The following UBE2E1 variants were observed in gnomAD, a reference collection of about 807,000 sequenced individuals.
UBE2E1 encodes the protein ubiquitin conjugating enzyme E2 E1.
UBE2E1 carries 6 observed loss-of-function variants against 21.4 expected under a neutral mutation model. The observed-to-expected ratio is 0.28, with a 90% confidence interval of 0.15 to 0.55. The LOEUF is 0.55. UBE2E1 is among the 20% of genes least tolerant of loss of function. The pLI, the probability that UBE2E1 is intolerant of heterozygous loss-of-function variation, is 0.93. For synonymous variants in UBE2E1, 87 were observed against 82.7 expected (o/e 1.05, Z -0.28); for missense variants, 142 against 236.5 (o/e 0.60, Z 2.62).
intron 3 of UBE2E1, among the ~76,000 whole-genome samples, chr3:23,825,644 A>G (rs970724940): frequency 6.6e-6 from 1 of 152,184 alleles, no homozygotes; most frequent in African/African-American, 2.4e-5. Context: ...ACCCTGAATG[A>G]TGACAAGGAC....
Position 23,810,380 on chromosome 3 carries a change from GT to G in UBE2E1, c.153-1079del. On this transcript the variant is annotated intron_variant, in intron 2 of 5. Transcript: ENST00000306627. The surrounding 1 kb of genome is among the most constrained non-coding windows in gnomAD (Gnocchi z 5.8). ...ACTGCCTGGTGGCTTCGGCCTATGAGTGGGGGATGGGGCCCTTTGTGAAGTC... is the reference window on the plus strand; with the variant it reads ...ACTGCCTGGTGGCTTCGGCCTATGAGGGGGGATGGGGCCCTTTGTGAAGTC... 6.6e-7 allele frequency: 1 copy of G among 1,517,668 alleles called. No homozygotes were observed. Among genetic ancestry groups the G allele is most frequent in the Non-Finnish European group, 8.8e-7 (1 of 1,131,428 alleles). The allele number at this position is 1,517,668 out of a possible 1,614,324, so 94.0% of individuals were successfully genotyped here.
At chr3:23,855,836 A>G (rs188106718) in intron 3 of UBE2E1, among the ~76,000 whole-genome samples, 6 of 152,212 alleles carry the variant, frequency 3.9e-5, no homozygotes, top group Admixed American at 3.9e-4. Flanking sequence ...TCTCAAAAAA[A>G]TAAAAATAAA....
chr3:23,872,629 A>G (rs964418240), intron 3 of UBE2E1, among the ~76,000 whole-genome samples: 5 of 152,236 alleles, frequency 3.3e-5, no homozygotes, highest in African/African-American at 4.8e-5. Context: ...CATATTCACA[A>G]TTAAAACAAT....
intron 2 of UBE2E1, 115 bp from the exon 3 acceptor site, chr3:23,811,345 C>G: frequency 1.0e-6 from 1 of 959,756 alleles, no homozygotes; most frequent in Non-Finnish European, 1.7e-6. Flanking sequence ...TCCTCTTTGC[C>G]CAGTAGAATC....
chr3:23,876,503 T>A lies in UBE2E1; in HGVS notation c.204-11064T>A, dbSNP rs1559492729. On this transcript the variant is annotated intron_variant, in intron 3 of 5. Coordinates refer to ENST00000306627, the MANE Select transcript of UBE2E1 (RefSeq NM_003341.5). This position sits in a 1 kb window ranked among gnomAD's most constrained non-coding sequence, Gnocchi z 4.3. ...CTTCATAGCTTATCTTCTCTATGAA[T>A]TTCTTAGCAATAGAAGAGTAAATCA... Among the ~76,000 whole-genome samples the A allele has an allele frequency of 6.6e-6, 1 of 152,248 alleles. No homozygotes were observed.
intron 3 of UBE2E1, chr3:23,879,588 C>G: frequency 4.0e-6 from 1 of 252,858 alleles, no homozygotes; most frequent in African/African-American, 2.3e-5. Context: ...TAAGACTAAC[C>G]ATCCTTCCCT....
chr3:23,833,734 T>C (rs761796297), intron 3 of UBE2E1, among the ~76,000 whole-genome samples: 6 of 152,258 alleles, frequency 3.9e-5, no homozygotes, highest in Non-Finnish European at 8.8e-5. Context: ...TGATGGCTTA[T>C]GCCTGTAATC....
intron 3 of UBE2E1, among the ~76,000 whole-genome samples, chr3:23,837,486 C>T (rs1156675712): frequency 3.9e-5 from 6 of 152,206 alleles, no homozygotes; most frequent in Non-Finnish European, 8.8e-5. Context: ...CATTTGCTTT[C>T]TTCTGCAGAG....
At chr3:23,834,998 TGGA>T (rs1699948320) in intron 3 of UBE2E1, among the ~76,000 whole-genome samples, 1 of 152,098 alleles carries the variant, frequency 6.6e-6, no homozygotes, top group Non-Finnish European at 1.5e-5. Context: ...ATGTTTAAAA[TGGA>T]GAATAAGAGC....
At chr3:23,824,537 G>A (rs1699713554) in intron 3 of UBE2E1, among the ~76,000 whole-genome samples, 1 of 152,174 alleles carries the variant, frequency 6.6e-6, no homozygotes, top group Admixed American at 6.5e-5. Context: ...CTATCTGAAT[G>A]TAAGTCCCCC....
chr3:23,890,390 C>G (rs754690877), intron 5 of UBE2E1, 119 bp from the exon 6 acceptor site: 3 of 842,428 alleles, frequency 3.6e-6, no homozygotes, highest in Non-Finnish European at 3.6e-6. Context: ...AGTGGTGTTT[C>G]GAAGATGGGT....
chr3:23,825,660 C>T (rs1299120000), intron 3 of UBE2E1, among the ~76,000 whole-genome samples: 4 of 152,048 alleles, frequency 2.6e-5, no homozygotes, highest in Admixed American at 1.3e-4. Flanking sequence ...AGGACCCAAC[C>T]ATGAGAAGGG....
Position 23,806,118 on chromosome 3 carries a change from C to T in UBE2E1, c.-34+30C>T, listed in dbSNP as rs1234386367. ...GGGGATCCCCCCAGCGGCCCGCCGCCCCCCGGCCGCGCCGCCGGGCCTCGG... is the reference window on the plus strand; with the variant it reads ...GGGGATCCCCCCAGCGGCCCGCCGCTCCCCGGCCGCGCCGCCGGGCCTCGG... On this transcript the variant is annotated intron_variant, in intron 1 of 5. Transcript: ENST00000306627. The surrounding 1 kb of genome is among the most constrained non-coding windows in gnomAD (Gnocchi z 6.5). The T allele has an allele frequency of 6.7e-6, 1 of 148,610 alleles. No individual in the cohort carries two copies. Among genetic ancestry groups the T allele is most frequent in the Non-Finnish European group, 1.5e-5 (1 of 66,544 alleles). The allele number at this position is 148,610 out of a possible 1,614,324, so 9.2% of individuals were successfully genotyped here. A position where few individuals can be genotyped will look rare whatever the true frequency, so the allele number is the denominator to read the frequency against.
rs1290812337 is a variant in UBE2E1, at chr3:23,810,361, T to G, written c.153-1099T>G. ...AGGCCAGGGCTTGGTGTGAACTGCC[T>G]GGTGGCTTCGGCCTATGAGTGGGGG... On this transcript the variant is annotated intron_variant, in intron 2 of 5. Transcript: ENST00000306627. The surrounding 1 kb of genome is among the most constrained non-coding windows in gnomAD (Gnocchi z 5.8). 3 of 1,429,780 alleles carry G rather than the reference T, an allele frequency of 2.1e-6. No individual in the cohort carries two copies. Among genetic ancestry groups the G allele is most frequent in the African/African-American group, 1.4e-5 (1 of 70,652 alleles). The allele number at this position is 1,429,780 out of a possible 1,614,324, so 88.6% of individuals were successfully genotyped here.
intron 3 of UBE2E1, among the ~76,000 whole-genome samples, chr3:23,872,342 C>G (rs559208094): frequency 0.021 from 2,695 of 128,852 alleles, 75 homozygotes; most frequent in African/African-American, 0.077. Context: ...AGCTTCGGCT[C>G]GGCATCAGAG....
intron 3 of UBE2E1, among the ~76,000 whole-genome samples, chr3:23,869,419 C>CTGTGTGTGTGTGTGTGTGTGTGTG (rs4024641): frequency 3.2e-4 from 43 of 132,564 alleles, no homozygotes; most frequent in African/African-American, 1.2e-3. Flanking sequence ...TGGTCTTTTC[C>CTGTGTGTGTGTGTGTGTGTGTGTG]TGTGTGTGTG....
intron 3 of UBE2E1, among the ~76,000 whole-genome samples, chr3:23,856,978 GGT>G (rs1317714860): frequency 6.8e-6 from 1 of 147,266 alleles, no homozygotes; most frequent in Non-Finnish European, 1.5e-5. Flanking sequence ...ACTCGGCCTG[GGT>G]GACAGAGCTA....
In UBE2E1 at chr3:23,807,427, G is replaced by C. The variant is rs774620737; in HGVS notation, c.152+6G>C. ...CTCTCCACCAGCGCCAAGAGGTACT[G>C]TGCTCTTTTTTTTTTCCACAGGCTT... is the stretch of plus-strand genomic sequence containing the variant. On this transcript the variant is annotated splice_donor_region_variant and intron_variant, in intron 2 of 5. Transcript: ENST00000306627. The C allele has an allele frequency of 1.3e-6, 2 of 1,595,254 alleles. No homozygotes were observed. The highest frequency in any genetic ancestry group is 8.5e-7 in the Non-Finnish European group (1 of 1,174,648).
chr3:23,883,898 A>G (rs1051788620), intron 3 of UBE2E1, among the ~76,000 whole-genome samples: 45 of 139,440 alleles, frequency 3.2e-4, no homozygotes, highest in African/African-American at 1.2e-3. Context: ...CCTGGGTGAC[A>G]GATCTCAAAA....
Sources: allele counts gnomAD v4.1 joint callset (sites outside exome capture counted in the v4.1 genomes callset), GRCh38; gene constraint gnomAD v4.1.1; non-coding constraint Gnocchi (gnomAD v3.1); transcripts MANE v1.5; gene names NCBI Gene and HGNC (gene_info 2026-07-23, HGNC 2026-07-21).